Variants in UNC5C observed in about 807,000 individuals in gnomAD.
UNC5C encodes unc-5 netrin receptor C.
UNC5C carries 47 observed loss-of-function variants against 99.8 expected under a neutral mutation model. That is an observed-to-expected ratio of 0.47 (90% CI 0.37 to 0.60). The LOEUF is 0.60. Ranked by LOEUF, UNC5C falls within the 20% of genes least tolerant of loss-of-function variation. The pLI is 0.00. For synonymous variants in UNC5C, 487 were observed against 452.2 expected, an observed-to-expected ratio of 1.08 and a Z score of -0.98; for missense variants, 1,062 against 1,165.9, an observed-to-expected ratio of 0.91 and a Z score of 1.30.
At chr4:95,405,615 G>A (rs1412086065) in intron 1 of UNC5C, among the ~76,000 whole-genome samples, 1 of 152,012 alleles carries the variant, frequency 6.6e-6, no homozygotes, top group Non-Finnish European at 1.5e-5. Context: ...GAAATATAAG[G>A]GGTTTATTAA....
At chr4:95,366,107 A>G (rs934604752) in intron 1 of UNC5C, among the ~76,000 whole-genome samples, 4 of 152,162 alleles carry the variant, frequency 2.6e-5, no homozygotes, top group African/African-American at 9.7e-5. Flanking sequence ...CAAAAGAGAA[A>G]GGTACAATTT....
chr4:95,176,190 T>G lies in UNC5C; in HGVS notation c.2452-5858A>C, dbSNP rs201988683. ...CAACTTCTTTGCCTTTGGTTTGAAT[T>G]TCCTCCCATAGCTCGGAGTAATTTG... On this transcript the variant is annotated intron_variant, in intron 14 of 15. Transcript: ENST00000453304. Among the ~76,000 whole-genome samples the G allele has an allele frequency of 5.3e-4, 81 of 152,214 alleles. 1 individual carries two copies. The East Asian group carries it at 0.014, about 26-fold the overall frequency.
chr4:95,483,678 G>A (rs992569979), intron 1 of UNC5C, among the ~76,000 whole-genome samples: 12 of 151,768 alleles, frequency 7.9e-5, no homozygotes, highest in Non-Finnish European at 1.3e-4. Context: ...GACCTGAAGG[G>A]TTCCCTCTCC....
chr4:95,368,426 AAAAC>A (rs1450109271), intron 1 of UNC5C, among the ~76,000 whole-genome samples: 13 of 152,212 alleles, frequency 8.5e-5, no homozygotes, highest in Admixed American at 3.9e-4. Context: ...TGAAAAAAGA[AAAAC>A]AAATAATTCT....
intron 15 of UNC5C, 141 bp from the exon 16 acceptor site, chr4:95,169,540 G>C (rs1403945488): frequency 7.9e-6 from 7 of 891,022 alleles, no homozygotes; most frequent in Non-Finnish European, 1.2e-5. Flanking sequence ...TAAATAACTA[G>C]CCCATGCTTA....
chr4:95,324,694 G>A (rs1165161095), intron 2 of UNC5C, among the ~76,000 whole-genome samples: 1 of 152,080 alleles, frequency 6.6e-6, no homozygotes, highest in Non-Finnish European at 1.5e-5. Context: ...GGCCATGGGG[G>A]CAATTGTCAT....
chr4:95,443,194 C>A (rs1747001682), intron 1 of UNC5C, among the ~76,000 whole-genome samples: 1 of 152,072 alleles, frequency 6.6e-6, no homozygotes. Flanking sequence ...ATAGTCTAAA[C>A]AATTAGACAG....
intron 1 of UNC5C, among the ~76,000 whole-genome samples, chr4:95,548,443 G>A (rs1560502341): frequency 6.6e-6 from 1 of 152,004 alleles, no homozygotes; most frequent in African/African-American, 2.4e-5. Flanking sequence ...AAGGGCACAA[G>A]ACACTCCAGG....
At chr4:95,483,911 TAC>T (rs1330547907) in intron 1 of UNC5C, among the ~76,000 whole-genome samples, 1 of 151,878 alleles carries the variant, frequency 6.6e-6, no homozygotes, top group East Asian at 1.9e-4. Context: ...GGATTCACAA[TAC>T]AGTTTTTAGG....
chr4:95,298,248 G>A (rs1184436150), intron 3 of UNC5C, among the ~76,000 whole-genome samples: 4 of 152,144 alleles, frequency 2.6e-5, no homozygotes, highest in Non-Finnish European at 5.9e-5. Context: ...CGAGACTGAG[G>A]CTGCAATGAG....
At chr4:95,413,459 G>GC (rs1293814242) in intron 1 of UNC5C, among the ~76,000 whole-genome samples, 1 of 152,052 alleles carries the variant, frequency 6.6e-6, no homozygotes, top group East Asian at 1.9e-4. Flanking sequence ...CATTCATCAA[G>GC]CTCATCATCC....
chr4:95,539,652 C>A (rs927105331), intron 1 of UNC5C, among the ~76,000 whole-genome samples: 1 of 152,128 alleles, frequency 6.6e-6, no homozygotes, highest in Non-Finnish European at 1.5e-5. Context: ...TACACAAACA[C>A]ACACACTCAC....
At chr4:95,294,210 C>T (rs1741589756) in intron 3 of UNC5C, among the ~76,000 whole-genome samples, 1 of 152,162 alleles carries the variant, frequency 6.6e-6, no homozygotes, top group African/African-American at 2.4e-5. Context: ...GTATTTGTGG[C>T]TGGCATATTT....
intron 12 of UNC5C, among the ~76,000 whole-genome samples, chr4:95,191,725 C>T (rs1021973250): frequency 1.3e-5 from 2 of 150,430 alleles, no homozygotes; most frequent in African/African-American, 4.9e-5. Context: ...CCCTGCTCAC[C>T]TCCTCCCTTT....
chr4:95,327,602 A>G lies in UNC5C; in HGVS notation c.346+7808T>C, dbSNP rs141855047. On this transcript the variant is annotated intron_variant, in intron 2 of 15. Coordinates refer to ENST00000453304, the MANE Select transcript of UNC5C (RefSeq NM_003728.4). ...TTTCATTCTAAATTTTATCTCAGAG[A>G]GTTTTCTATAGCTTCATATCTGGAG... Among the ~76,000 whole-genome samples, 138 of 152,128 alleles carry G rather than the reference A, an allele frequency of 9.1e-4. 1 individual carries two copies. Among genetic ancestry groups the G allele is most frequent in the Non-Finnish European group, 1.5e-3 (101 of 67,992 alleles).
intron 10 of UNC5C, among the ~76,000 whole-genome samples, chr4:95,215,880 G>A (rs1335309093): frequency 6.6e-6 from 1 of 152,138 alleles, no homozygotes; most frequent in African/African-American, 2.4e-5. Context: ...CAGGAAATAT[G>A]GCAACGTGTC....
intron 11 of UNC5C, among the ~76,000 whole-genome samples, chr4:95,204,583 T>A (rs561846420): frequency 2.0e-5 from 3 of 152,356 alleles, no homozygotes; most frequent in African/African-American, 7.2e-5. Flanking sequence ...TCTTCCAACT[T>A]TTAATTAACT....
At chr4:95,205,486 G>A (rs1737842953) in intron 11 of UNC5C, among the ~76,000 whole-genome samples, 2 of 151,726 alleles carry the variant, frequency 1.3e-5, no homozygotes, top group South Asian at 4.2e-4. Context: ...TGAATCCCAG[G>A]GATACTCTGG....
At chr4:95,482,496 A>G (rs1267358784) in intron 1 of UNC5C, among the ~76,000 whole-genome samples, 19 of 149,002 alleles carry the variant, frequency 1.3e-4, no homozygotes, top group African/African-American at 3.9e-4. Context: ...TGACCCAGCC[A>G]TCCCATTACT....
Sources: allele counts gnomAD v4.1 joint callset (sites outside exome capture counted in the v4.1 genomes callset), GRCh38; gene constraint gnomAD v4.1.1; transcripts MANE v1.5; gene names NCBI Gene and HGNC (gene_info 2026-07-23, HGNC 2026-07-21).